THEMIS: variants seen among roughly 807,000 people sequenced by gnomAD.
THEMIS encodes the protein protein THEMIS.
A neutral mutation model predicts 52.6 loss-of-function variants in THEMIS; 37 were observed. The observed-to-expected ratio is 0.70, with a 90% confidence interval of 0.54 to 0.93. THEMIS has a LOEUF of 0.93. Among genes scored for constraint, THEMIS ranks in the 40% least tolerant of loss-of-function variants. The pLI is 0.00. For missense variants in THEMIS, 808 were observed against 763.1 expected, an observed-to-expected ratio of 1.06 and a Z score of -0.69; for synonymous variants, 292 against 272.7, an observed-to-expected ratio of 1.07 and a Z score of -0.70.
intron 2 of THEMIS, among the ~76,000 whole-genome samples, chr6:127,840,586 A>T (rs1779014328): frequency 6.6e-6 from 1 of 152,104 alleles, no homozygotes; most frequent in South Asian, 2.1e-4. Flanking sequence ...GTAAAACAGA[A>T]AAATAAATAC....
At chr6:127,917,073 A>G (rs563298672) in intron 1 of THEMIS, among the ~76,000 whole-genome samples, 2 of 152,382 alleles carry the variant, frequency 1.3e-5, no homozygotes, top group East Asian at 3.9e-4. Context: ...AAGGGAATGG[A>G]GAAAAACAAA....
chr6:127,869,143 T>C (rs1780075643), intron 1 of THEMIS, among the ~76,000 whole-genome samples: 2 of 152,204 alleles, frequency 1.3e-5, no homozygotes, highest in African/African-American at 2.4e-5. Flanking sequence ...TGAGTATTGA[T>C]ATTTATTAAG....
chr6:127,842,302 G>A (rs994315943), intron 2 of THEMIS, among the ~76,000 whole-genome samples: 1 of 151,852 alleles, frequency 6.6e-6, no homozygotes, highest in Non-Finnish European at 1.5e-5. Flanking sequence ...TCTGTTAATG[G>A]AGTATATAAT....
the THEMIS span, among the ~76,000 whole-genome samples, chr6:127,699,438 C>A: frequency 6.7e-6 from 1 of 149,022 alleles, no homozygotes; most frequent in African/African-American, 2.5e-5. Flanking sequence ...TAATTAAAAG[C>A]TAGGGTGAAA....
chr6:127,822,945 C>T (rs150576752), intron 3 of THEMIS, among the ~76,000 whole-genome samples: 1 of 152,246 alleles, frequency 6.6e-6, no homozygotes, highest in East Asian at 1.9e-4. Flanking sequence ...TTTCAACTCC[C>T]ATACTTGCAT....
rs79516086 is a variant in THEMIS at position 127,785,981 on chromosome 6, T to C, written c.1758+26902A>G. On this transcript the variant is annotated intron_variant, in intron 4 of 5. Coordinates refer to ENST00000368248, the MANE Select transcript of THEMIS (RefSeq NM_001010923.3). ...TGAAAGTACCTCATCTTCTCATATG[T>C]ACTCCCTCTTAGTAGGAGATCTTTT... Among the ~76,000 whole-genome samples, 987 of 152,240 alleles carry C rather than the reference T, an allele frequency of 6.5e-3. 15 individuals are homozygous for C. The highest frequency in any genetic ancestry group is 0.023 in the African/African-American group (954 of 41,546).
chr6:127,798,998 AAAAAAAAAAAG>A (rs1777431059), intron 4 of THEMIS, among the ~76,000 whole-genome samples: 1 of 151,490 alleles, frequency 6.6e-6, no homozygotes, highest in South Asian at 2.1e-4. Flanking sequence ...TCTCAAAAAA[AAAAAAAAAAAG>A]AAAGAAAAAA....
intron 4 of THEMIS, among the ~76,000 whole-genome samples, chr6:127,760,815 C>T (rs1775997033): frequency 6.6e-6 from 1 of 152,044 alleles, no homozygotes; most frequent in East Asian, 1.9e-4. Context: ...TTCTTCTAGA[C>T]ATAAATGTAA....
At position 127,723,897 on chromosome 6, in the gene THEMIS, C is replaced by T. The variant is rs373461618; in HGVS notation, c.1759-4074G>A. On this transcript the variant is annotated intron_variant, in intron 4 of 5. Coordinates refer to ENST00000368248, the MANE Select transcript of THEMIS (RefSeq NM_001010923.3). ...GTCTATCTCCCTGGCTAAAATAAAA[C>T]TCCCTGAAAGTAAAAACTATGCATG... 3.1e-3 allele frequency among the ~76,000 whole-genome samples: 474 copies of T among 152,172 alleles called. 1 individual carries two copies. The highest frequency in any genetic ancestry group is 0.01 in the African/African-American group (430 of 41,542).
chr6:127,851,013 C>A (rs1779403975), intron 2 of THEMIS, among the ~76,000 whole-genome samples: 1 of 151,320 alleles, frequency 6.6e-6, no homozygotes, highest in Non-Finnish European at 1.5e-5. Context: ...GTCTACATAA[C>A]TAGAACAAAA....
intron 4 of THEMIS, among the ~76,000 whole-genome samples, chr6:127,723,766 T>C (rs942187735): frequency 6.6e-6 from 1 of 152,050 alleles, no homozygotes; most frequent in Non-Finnish European, 1.5e-5. Context: ...ACTCACTGTA[T>C]AAACCTTAGC....
chr6:127,836,666 G>A (rs1044784917), intron 2 of THEMIS, among the ~76,000 whole-genome samples: 1 of 152,092 alleles, frequency 6.6e-6, no homozygotes, highest in Admixed American at 6.6e-5. Flanking sequence ...ATATAAAAAG[G>A]AGCATTTTCT....
chr6:127,837,444 A>AT (rs1254298808), intron 2 of THEMIS, among the ~76,000 whole-genome samples: 1 of 152,042 alleles, frequency 6.6e-6, no homozygotes, highest in Non-Finnish European at 1.5e-5. Context: ...TCCTCATTTA[A>AT]TTTATTTGAT....
downstream of THEMIS, among the ~76,000 whole-genome samples, chr6:127,704,113 T>C (rs1360567085): frequency 6.6e-6 from 1 of 152,170 alleles, no homozygotes; most frequent in African/African-American, 2.4e-5. Context: ...TCACATTGAG[T>C]ATTGGTTTCC....
chr6:127,775,870 GT>G (rs1280357298), intron 4 of THEMIS, among the ~76,000 whole-genome samples: 1 of 151,856 alleles, frequency 6.6e-6, no homozygotes, highest in Non-Finnish European at 1.5e-5. Flanking sequence ...GCTGTCAAGG[GT>G]TTTTTTAGTG....
At chr6:127,839,883 C>T (rs1191973310) in intron 2 of THEMIS, among the ~76,000 whole-genome samples, 3 of 151,982 alleles carry the variant, frequency 2.0e-5, no homozygotes, top group Admixed American at 1.3e-4. Context: ...GTCTGTCAGG[C>T]CCTGCCATTT....
chr6:127,770,232 C>T (rs971682846), intron 4 of THEMIS, among the ~76,000 whole-genome samples: 20 of 152,170 alleles, frequency 1.3e-4, no homozygotes, highest in African/African-American at 4.8e-4. Flanking sequence ...AGTTTACAGT[C>T]CCACCAACGG....
chr6:127,768,018 T>G (rs1328244716), intron 4 of THEMIS, among the ~76,000 whole-genome samples: 5 of 152,194 alleles, frequency 3.3e-5, no homozygotes, highest in Non-Finnish European at 7.3e-5. Context: ...CAGTCTTTCA[T>G]GAGTAGTTAT....
intron 2 of THEMIS, among the ~76,000 whole-genome samples, chr6:127,853,273 T>A (rs1779494452): frequency 6.6e-6 from 1 of 151,638 alleles, no homozygotes; most frequent in Non-Finnish European, 1.5e-5. Context: ...AAGGGAATTG[T>A]TACATCTAAT....
Sources: allele counts gnomAD v4.1 joint callset (sites outside exome capture counted in the v4.1 genomes callset), GRCh38; gene constraint gnomAD v4.1.1; transcripts MANE v1.5; gene names NCBI Gene and HGNC (gene_info 2026-07-23, HGNC 2026-07-21).